Variants in ARHGEF7 observed in about 807,000 individuals in gnomAD.
The protein encoded by ARHGEF7 is PAK-interacting exchange factor beta.
Under a neutral mutation model 109.8 loss-of-function variants are expected in ARHGEF7, and 33 were observed. The ratio of observed to expected loss-of-function variants is 0.30; its 90% CI spans 0.23 to 0.40. The LOEUF (loss-of-function observed/expected upper bound fraction) is 0.40. Among genes scored for constraint, ARHGEF7 ranks in the 10% least tolerant of loss-of-function variants. The pLI, the probability that ARHGEF7 is intolerant of heterozygous loss-of-function variation, is 1.00. For missense variants in ARHGEF7, 938 were observed against 1,098.5 expected (o/e 0.85, Z 2.07); for synonymous variants, 458 against 424.6 (o/e 1.08, Z -0.97).
At chr13:111,251,906 C>T (rs2089831885) in intron 8 of ARHGEF7, among the ~76,000 whole-genome samples, 1 of 152,242 alleles carries the variant, frequency 6.6e-6, no homozygotes. Flanking sequence ...CCCAGAATGA[C>T]CCTATGCCTA....
chr13:111,284,669 C>T (rs150911920), intron 16 of ARHGEF7, among the ~76,000 whole-genome samples: 2,553 of 152,310 alleles, frequency 0.017, 40 homozygotes, highest in Middle Eastern at 0.075. Context: ...TTGCCAACTC[C>T]ACACTGGGAG....
chr13:111,144,246 C>A (rs904521576), intron 1 of ARHGEF7: 196 of 152,314 alleles, frequency 1.3e-3, no homozygotes, highest in African/African-American at 4.4e-3. Flanking sequence ...ATGGCTGCAG[C>A]ATTTCATTTA....
chr13:111,282,965 T>C, intron 15 of ARHGEF7, 174 bp from the exon 16 acceptor site: 2 of 917,440 alleles, frequency 2.2e-6, no homozygotes, highest in Non-Finnish European at 3.2e-6. Context: ...CGAGCTAGTG[T>C]TTGGCCCCAA....
At chr13:111,274,629 G>A in intron 10 of ARHGEF7, 102 bp from the exon 11 acceptor site, 1 of 549,790 alleles carries the variant, frequency 1.8e-6, no homozygotes, top group South Asian at 4.2e-5. Context: ...AATGTTAAGG[G>A]TTGAAAAGTG....
intron 2 of ARHGEF7, among the ~76,000 whole-genome samples, chr13:111,203,962 C>T (rs2081472299): frequency 6.6e-6 from 1 of 152,150 alleles, no homozygotes; most frequent in African/African-American, 2.4e-5. Flanking sequence ...GGCCCCTGTG[C>T]TGGGTGTTGG....
intron 2 of ARHGEF7, among the ~76,000 whole-genome samples, chr13:111,190,678 T>C (rs545557234): frequency 7.4e-4 from 113 of 152,252 alleles, no homozygotes; most frequent in Non-Finnish European, 1.3e-3. Flanking sequence ...AGACTTGAGC[T>C]TTGAGGGGTA....
chr13:111,263,066 AC>A lies in ARHGEF7; in HGVS notation c.951-4481del, dbSNP rs146273293. ...GGAACATCCCCTCCTTTAATTCTGA[AC>A]TCATATTCTGTAATGGTGATTTCTG... On this transcript the variant is annotated intron_variant, in intron 8 of 21. Coordinates refer to ENST00000646102, the MANE Select transcript of ARHGEF7 (RefSeq NM_001354046.2). Among the ~76,000 whole-genome samples, 517 of 152,056 alleles carry A rather than the reference AC, an allele frequency of 3.4e-3. 4 individuals carry two copies. Among genetic ancestry groups the A allele is most frequent in the African/African-American group, 0.012 (495 of 41,450 alleles).
intron 2 of ARHGEF7, among the ~76,000 whole-genome samples, chr13:111,166,181 TTC>T (rs1316888542): frequency 7.2e-5 from 11 of 152,196 alleles, no homozygotes; most frequent in African/African-American, 2.7e-4. Context: ...GACTGTTTTT[TTC>T]TGAAACGCAA....
chr13:111,280,400 CT>C (rs2092715111), intron 14 of ARHGEF7, 50 bp downstream of exon 14: 1 of 1,591,552 alleles, frequency 6.3e-7, no homozygotes, highest in Admixed American at 1.7e-5. Flanking sequence ...GGAGAGGCAG[CT>C]TGTCCCCGCG....
chr13:111,194,373 T>C (rs1462987950), intron 2 of ARHGEF7, among the ~76,000 whole-genome samples: 4 of 152,142 alleles, frequency 2.6e-5, no homozygotes, highest in Non-Finnish European at 5.9e-5. Flanking sequence ...GATTAGAGTA[T>C]GGAGGGGCCT....
intron 13 of ARHGEF7, 119 bp from the exon 14 acceptor site, chr13:111,280,153 G>C (rs1195413900): frequency 4.7e-6 from 5 of 1,065,108 alleles, no homozygotes; most frequent in Non-Finnish European, 6.7e-6. Context: ...GCTTTTTTTG[G>C]TTCACAAACA....
rs529240108 is a variant in ARHGEF7 at position 111,279,039 on chromosome 13, C to CA, written c.1507-1228dup. ...TTAGAACACTGGCTTTGGGGGATGC[C>CA]AAAAAGTGTTCGGTCCAGCCACAGT... On this transcript the variant is annotated intron_variant, in intron 13 of 21. Coordinates refer to ENST00000646102, the MANE Select transcript of ARHGEF7 (RefSeq NM_001354046.2). 4.6e-5 allele frequency among the ~76,000 whole-genome samples: 7 copies of CA among 152,276 alleles called. No individual in the cohort carries two copies. In the South Asian group the frequency reaches 1.5e-3, roughly 32 times the overall value.
At chr13:111,179,872 C>A (rs1417495331) in intron 2 of ARHGEF7, among the ~76,000 whole-genome samples, 1 of 152,174 alleles carries the variant, frequency 6.6e-6, no homozygotes, top group Non-Finnish European at 1.5e-5. Flanking sequence ...CCATTGGGTC[C>A]CAGCGGAAGG....
intron 4 of ARHGEF7, among the ~76,000 whole-genome samples, chr13:111,216,204 A>G (rs1198709173): frequency 2.6e-5 from 4 of 152,136 alleles, no homozygotes; most frequent in African/African-American, 7.2e-5. Context: ...TCTTAGACTC[A>G]GCTTCTGAGA....
intron 19 of ARHGEF7, chr13:111,293,836 A>T: frequency 1.0e-6 from 1 of 985,230 alleles, no homozygotes; most frequent in Non-Finnish European, 1.2e-6. Flanking sequence ...TGCAGAGTGA[A>T]CTCTGATGCA....
intron 8 of ARHGEF7, among the ~76,000 whole-genome samples, chr13:111,249,602 G>A (rs1346932425): frequency 6.6e-6 from 1 of 152,106 alleles, no homozygotes; most frequent in Non-Finnish European, 1.5e-5. Flanking sequence ...TCACGGGAAG[G>A]GTGATTTCTG....
chr13:111,251,563 C>T (rs1241396400), intron 8 of ARHGEF7, among the ~76,000 whole-genome samples: 1 of 152,168 alleles, frequency 6.6e-6, no homozygotes, highest in Non-Finnish European at 1.5e-5. Context: ...TGAATTTTGT[C>T]GAGATTCTTT....
chr13:111,176,965 C>T (rs904821790), intron 2 of ARHGEF7, among the ~76,000 whole-genome samples: 19 of 152,222 alleles, frequency 1.2e-4, no homozygotes, highest in African/African-American at 2.2e-4. Context: ...CCATGTTGGC[C>T]AGGCTGTTCT....
intron 5 of ARHGEF7, among the ~76,000 whole-genome samples, 165 bp downstream of exon 5, chr13:111,218,045 G>GGGCCCT (rs1478984716): frequency 6.6e-6 from 1 of 152,184 alleles, no homozygotes; most frequent in Admixed American, 6.5e-5. Context: ...CCCCACATTG[G>GGGCCCT]GGCCCTGGCA....
Sources: gnomAD v4.1 joint callset for allele counts (sites outside exome capture counted in the v4.1 genomes callset) on GRCh38, gnomAD v4.1.1 for gene constraint, MANE v1.5 for transcripts, NCBI Gene and HGNC (gene_info 2026-07-23, HGNC 2026-07-21) for gene names.